NAV3: variants seen among roughly 807,000 people sequenced by gnomAD.
NAV3 encodes pore membrane and/or filament interacting like protein 1.
Under a neutral mutation model 244.7 loss-of-function variants are expected in NAV3, and 87 were observed. The ratio of observed to expected loss-of-function variants is 0.36; its 90% confidence interval spans 0.30 to 0.42. The LOEUF (loss-of-function observed/expected upper bound fraction) is 0.42. NAV3 is among the 20% of genes least tolerant of loss of function. NAV3 has a pLI of 1.00. For synonymous variants in NAV3, 1,126 were observed against 1,042.2 expected, an observed-to-expected ratio of 1.08 and a Z score of -1.55; for missense variants, 2,663 against 2,893.3, an observed-to-expected ratio of 0.92 and a Z score of 1.83.
intron 12 of NAV3, among the ~76,000 whole-genome samples, chr12:78,066,477 T>C (rs778055255): frequency 6.6e-6 from 1 of 151,998 alleles, no homozygotes; most frequent in East Asian, 1.9e-4. Flanking sequence ...GCAAAATGAA[T>C]CTCAAAGGAG....
At chr12:78,031,731 G>A (rs756455515) in intron 9 of NAV3, among the ~76,000 whole-genome samples, 8 of 121,158 alleles carry the variant, frequency 6.6e-5, no homozygotes, top group Non-Finnish European at 1.3e-4. Flanking sequence ...TCTGGCGACT[G>A]TGGTGGGGTG....
chr12:78,021,500 G>C (rs1396107195), intron 8 of NAV3, among the ~76,000 whole-genome samples: 1 of 151,970 alleles, frequency 6.6e-6, no homozygotes, highest in Non-Finnish European at 1.5e-5. Flanking sequence ...ATCAACTATT[G>C]GTAGTTATAA....
intron 34 of NAV3, among the ~76,000 whole-genome samples, chr12:78,196,791 G>A (rs1280500254): frequency 6.6e-6 from 1 of 151,862 alleles, no homozygotes; most frequent in Non-Finnish European, 1.5e-5. Flanking sequence ...AAAAATATTA[G>A]TGGAACCTGA....
intron 34 of NAV3, among the ~76,000 whole-genome samples, chr12:78,196,254 C>T (rs1325373013): frequency 6.6e-6 from 1 of 151,938 alleles, no homozygotes; most frequent in East Asian, 1.9e-4. Flanking sequence ...TTCCTTAATA[C>T]ATTTTTATAT....
chr12:77,586,878 G>A (rs897806885), intron 2 of NAV3, among the ~76,000 whole-genome samples: 1 of 152,058 alleles, frequency 6.6e-6, no homozygotes, highest in Admixed American at 6.6e-5. Context: ...GAAATGTTCT[G>A]GTGAGAATAC....
At chr12:77,868,036 C>T (rs1185122519) in intron 1 of NAV3, among the ~76,000 whole-genome samples, 1 of 152,150 alleles carries the variant, frequency 6.6e-6, no homozygotes, top group Non-Finnish European at 1.5e-5. Flanking sequence ...CTATTATAAA[C>T]CAAAGTGGAA....
At position 77,956,128 on chromosome 12, in the gene NAV3, T is replaced by A. The variant is rs1484534692; in HGVS notation, c.415-10101T>A. ...TTTTACTTTAACTCTCCAGAAAAAA[T>A]TTATGTCTAGTTAAAATCTTAGGAT... On this transcript the variant is annotated intron_variant, in intron 3 of 39. Transcript: ENST00000397909. Among the ~76,000 whole-genome samples the A allele has an allele frequency of 4.6e-5, 7 of 152,220 alleles. No homozygotes were observed. The East Asian group carries it at 9.7e-4, about 21-fold the overall frequency.
Position 77,894,245 on chromosome 12 carries a change from A to G in NAV3, c.244-46074A>G, listed in dbSNP as rs150250473. On this transcript the variant is annotated intron_variant, in intron 1 of 39. Transcript: ENST00000397909. ...CCCCACCCCAGCATGACAATTATGA[A>G]CATAACCTAGAGAGATTTCTATCCC... Among the ~76,000 whole-genome samples the G allele has an allele frequency of 9.8e-4, 149 of 152,288 alleles. 1 individual carries two copies. In the East Asian group the frequency reaches 0.027, roughly 28 times the overall value.
intron 2 of NAV3, among the ~76,000 whole-genome samples, chr12:77,610,986 C>A (rs971813071): frequency 1.3e-5 from 2 of 148,488 alleles, no homozygotes; most frequent in African/African-American, 4.9e-5. Flanking sequence ...ATATTGAAAA[C>A]CTCCATTAGA....
intron 7 of NAV3, among the ~76,000 whole-genome samples, chr12:78,000,422 T>A (rs1873048447): frequency 1.3e-5 from 2 of 152,094 alleles, no homozygotes; most frequent in Non-Finnish European, 2.9e-5. Flanking sequence ...AAATTAATCA[T>A]TATGTCATGC....
At chr12:77,753,800 T>C (rs187359675) in intron 2 of NAV3, among the ~76,000 whole-genome samples, 2 of 152,268 alleles carry the variant, frequency 1.3e-5, no homozygotes, top group Admixed American at 1.3e-4. Context: ...AATGCAAAAT[T>C]GTTTTACAAA....
intron 12 of NAV3, among the ~76,000 whole-genome samples, chr12:78,081,090 C>T (rs1187315303): frequency 6.6e-6 from 1 of 152,138 alleles, no homozygotes; most frequent in Non-Finnish European, 1.5e-5. Context: ...GGAGAAAAGC[C>T]TATCAGGCTA....
At chr12:77,773,784 T>G (rs1382049487) in intron 2 of NAV3, among the ~76,000 whole-genome samples, 2 of 152,180 alleles carry the variant, frequency 1.3e-5, no homozygotes, top group Non-Finnish European at 2.9e-5. Context: ...ATAGTTTTGA[T>G]GTATTCATCC....
chr12:77,726,463 A>G (rs1876882840), intron 2 of NAV3, among the ~76,000 whole-genome samples: 1 of 151,948 alleles, frequency 6.6e-6, no homozygotes, highest in African/African-American at 2.4e-5. Context: ...AGGGGAACTA[A>G]TGGGAAAGAG....
intron 24 of NAV3, among the ~76,000 whole-genome samples, chr12:78,170,436 C>T (rs1368962035): frequency 6.6e-6 from 1 of 151,676 alleles, no homozygotes; most frequent in African/African-American, 2.4e-5. Context: ...ACCATGACCA[C>T]AAACCCCTAA....
intron 2 of NAV3, among the ~76,000 whole-genome samples, chr12:77,821,581 G>T (rs928137775): frequency 1.3e-5 from 2 of 152,108 alleles, no homozygotes; most frequent in Admixed American, 1.3e-4. Flanking sequence ...CATTGCAAAT[G>T]ACATTTTTAT....
At chr12:77,743,065 C>T (rs1318349516) in intron 2 of NAV3, among the ~76,000 whole-genome samples, 1 of 151,910 alleles carries the variant, frequency 6.6e-6, no homozygotes, top group Non-Finnish European at 1.5e-5. Context: ...GAGATTTTTG[C>T]AGTTCGGGTT....
intron 2 of NAV3, among the ~76,000 whole-genome samples, chr12:77,794,452 G>T (rs1871318806): frequency 1.3e-5 from 2 of 152,136 alleles, no homozygotes; most frequent in South Asian, 2.1e-4. Flanking sequence ...CAGTCAACTG[G>T]CGGTTGATCT....
intron 12 of NAV3, among the ~76,000 whole-genome samples, chr12:78,093,563 G>A (rs1223739363): frequency 6.6e-6 from 1 of 152,008 alleles, no homozygotes; most frequent in Non-Finnish European, 1.5e-5. Context: ...GTAAAGATTT[G>A]TACAGCAGTG....
Sources: gnomAD v4.1 joint callset for allele counts (sites outside exome capture counted in the v4.1 genomes callset) on GRCh38, gnomAD v4.1.1 for gene constraint, MANE v1.5 for transcripts, NCBI Gene and HGNC (gene_info 2026-07-23, HGNC 2026-07-21) for gene names.